The following CSMD1 variants were observed in gnomAD, a reference collection of about 807,000 sequenced individuals.
The protein encoded by CSMD1 is CUB and Sushi multiple domains 1, also known as CUB and sushi domain-containing protein 1.
A neutral mutation model predicts 417.5 loss-of-function variants in CSMD1; 213 were observed. That is an observed-to-expected ratio of 0.51 (90% CI 0.46 to 0.57). CSMD1 has a LOEUF of 0.57. Among genes scored for constraint, CSMD1 ranks in the 20% least tolerant of loss-of-function variants. The pLI is 0.00. For synonymous variants in CSMD1, 2,862 were observed against 1,736.8 expected (o/e 1.65, Z -16.11); for missense variants, 6,923 against 4,529.7 (o/e 1.53, Z -15.17).
At chr8:4,459,978 C>G (rs901935261) in intron 2 of CSMD1, among the ~76,000 whole-genome samples, 12 of 152,018 alleles carry the variant, frequency 7.9e-5, no homozygotes, top group African/African-American at 2.9e-4. Flanking sequence ...CCAAAATGAC[C>G]ATCAGACTAG....
At chr8:4,375,642 T>C (rs1167916720) in intron 3 of CSMD1, among the ~76,000 whole-genome samples, 2 of 152,062 alleles carry the variant, frequency 1.3e-5, no homozygotes, top group African/African-American at 4.8e-5. Flanking sequence ...TGTGGGATGG[T>C]CGCGGCTGGT....
chr8:4,370,286 G>C (rs1244774077), intron 3 of CSMD1, among the ~76,000 whole-genome samples: 2 of 151,886 alleles, frequency 1.3e-5, no homozygotes, highest in Non-Finnish European at 2.9e-5. Context: ...TTCCCAGTTT[G>C]TAAGGTTTGT....
chr8:3,440,887 G>A (rs903934507), intron 12 of CSMD1, among the ~76,000 whole-genome samples: 4 of 152,154 alleles, frequency 2.6e-5, no homozygotes, highest in African/African-American at 7.2e-5. Context: ...CAGGCTTGAT[G>A]GTGGCCCCCG....
chr8:3,813,647 A>G (rs971802875), intron 5 of CSMD1, among the ~76,000 whole-genome samples: 1 of 152,176 alleles, frequency 6.6e-6, no homozygotes, highest in Non-Finnish European at 1.5e-5. Flanking sequence ...TATTATGTTA[A>G]TTATACAAAA....
chr8:4,045,359 G>A (rs752267677), intron 3 of CSMD1, among the ~76,000 whole-genome samples: 56 of 152,150 alleles, frequency 3.7e-4, no homozygotes, highest in Admixed American at 1.2e-3. Flanking sequence ...GCAGACGAAC[G>A]GTTTCAAGGA....
intron 12 of CSMD1, among the ~76,000 whole-genome samples, chr8:3,420,922 G>C (rs1356103961): frequency 1.3e-5 from 2 of 151,968 alleles, no homozygotes; most frequent in East Asian, 1.9e-4. Context: ...TCTTGGTCCA[G>C]TTATCTAATA....
At chr8:3,459,775 A>C (rs537831535) in intron 12 of CSMD1, among the ~76,000 whole-genome samples, 1 of 152,166 alleles carries the variant, frequency 6.6e-6, no homozygotes, top group Non-Finnish European at 1.5e-5. Flanking sequence ...ATTTGGGTCC[A>C]GGAATCAGAG....
intron 3 of CSMD1, among the ~76,000 whole-genome samples, chr8:4,362,883 T>C (rs1801852424): frequency 6.6e-6 from 1 of 152,210 alleles, no homozygotes; most frequent in African/African-American, 2.4e-5. Context: ...CTCATCTGAG[T>C]TATAAAAGTA....
intron 23 of CSMD1, among the ~76,000 whole-genome samples, chr8:3,323,566 A>C (rs1279092881): frequency 6.6e-6 from 1 of 152,216 alleles, no homozygotes; most frequent in Admixed American, 6.5e-5. Flanking sequence ...ACTCTCCAAC[A>C]GTTAAAATAC....
chr8:4,358,925 G>T (rs972024770), intron 3 of CSMD1, among the ~76,000 whole-genome samples: 2 of 151,860 alleles, frequency 1.3e-5, no homozygotes, highest in Admixed American at 1.3e-4. Flanking sequence ...TAAAAAAACT[G>T]AATAATTAGT....
intron 1 of CSMD1, among the ~76,000 whole-genome samples, chr8:4,750,131 G>A (rs905463774): frequency 3.9e-5 from 6 of 152,134 alleles, no homozygotes; most frequent in East Asian, 1.9e-4. Flanking sequence ...TCAGCCTCCC[G>A]AGTAGCTGGG....
intron 10 of CSMD1, among the ~76,000 whole-genome samples, chr8:3,494,727 G>A (rs1167789386): frequency 2.0e-5 from 3 of 152,096 alleles, no homozygotes; most frequent in East Asian, 3.9e-4. Context: ...CAAGAGAGAC[G>A]CAGAGGGTGT....
intron 3 of CSMD1, among the ~76,000 whole-genome samples, chr8:4,059,850 A>G (rs950335157): frequency 1.3e-5 from 2 of 149,390 alleles, no homozygotes; most frequent in African/African-American, 4.9e-5. Context: ...TCACAGCCGA[A>G]TATTACCAGA....
intron 48 of CSMD1, 114 bp from the exon 49 acceptor site, chr8:3,087,399 A>G: frequency 9.3e-7 from 1 of 1,078,460 alleles, no homozygotes; most frequent in Non-Finnish European, 1.4e-6. Flanking sequence ...AAGGTAGGAA[A>G]TGAGCACCAG....
At chr8:4,018,399 C>A (rs898733660) in intron 4 of CSMD1, among the ~76,000 whole-genome samples, 1 of 152,154 alleles carries the variant, frequency 6.6e-6, no homozygotes, top group Non-Finnish European at 1.5e-5. Flanking sequence ...CAACTTCCTG[C>A]CTCGATTCCT....
chr8:3,592,998 C>A (rs886461439), intron 8 of CSMD1, among the ~76,000 whole-genome samples: 1 of 152,214 alleles, frequency 6.6e-6, no homozygotes, highest in African/African-American at 2.4e-5. Context: ...AAGGAGAAGT[C>A]AGAACTCCTG....
chr8:4,793,422 C>T (rs375460602), intron 1 of CSMD1, among the ~76,000 whole-genome samples: 1 of 151,862 alleles, frequency 6.6e-6, no homozygotes, highest in Non-Finnish European at 1.5e-5. Context: ...CTTTTCCCTC[C>T]TCCCCCAGCT....
chr8:3,593,977 C>T (rs911481253), intron 8 of CSMD1, among the ~76,000 whole-genome samples: 2 of 152,116 alleles, frequency 1.3e-5, no homozygotes, highest in South Asian at 4.1e-4. Flanking sequence ...TTTCTGGAAA[C>T]GCTATTAGAA....
At chr8:4,553,789 C>T (rs1221573770) in intron 2 of CSMD1, among the ~76,000 whole-genome samples, 1 of 152,144 alleles carries the variant, frequency 6.6e-6, no homozygotes, top group Non-Finnish European at 1.5e-5. Flanking sequence ...CCTATGTCTG[C>T]CATGAAAAGA....
Sources: gnomAD v4.1 joint callset for allele counts (sites outside exome capture counted in the v4.1 genomes callset) on GRCh38, gnomAD v4.1.1 for gene constraint, MANE v1.5 for transcripts, NCBI Gene and HGNC (gene_info 2026-07-23, HGNC 2026-07-21) for gene names.